The following CREB5 variants were observed in gnomAD, a reference collection of about 807,000 sequenced individuals.
CREB5 encodes cAMP responsive element binding protein 5.
CREB5 carries 19 observed loss-of-function variants against 57.1 expected under a neutral mutation model. The observed-to-expected ratio is 0.33, with a 90% CI of 0.23 to 0.49. The LOEUF is 0.49. CREB5 is among the 20% of genes least tolerant of loss of function. The probability of loss-of-function intolerance (pLI) is 0.99; values close to 1 mark genes in which losing one functional copy is unlikely to be tolerated. For synonymous variants in CREB5, 238 were observed against 238.3 expected (o/e 1.00, Z 0.01); for missense variants, 579 against 671.6 (o/e 0.86, Z 1.52).
chr7:28,452,009 C>T (rs1052672353), intron 1 of CREB5, among the ~76,000 whole-genome samples: 2 of 152,116 alleles, frequency 1.3e-5, no homozygotes, highest in Non-Finnish European at 2.9e-5. Flanking sequence ...CTCCCTTTAC[C>T]GAGGGAGAAA....
At chr7:28,323,841 C>T (rs1430903562) in intron 1 of CREB5, among the ~76,000 whole-genome samples, 1 of 152,036 alleles carries the variant, frequency 6.6e-6, no homozygotes, top group Non-Finnish European at 1.5e-5. Context: ...CAGTGGGAGC[C>T]CTGAGCTTGT....
At chr7:28,728,502 A>G (rs189012262) in intron 7 of CREB5, among the ~76,000 whole-genome samples, 6 of 152,356 alleles carry the variant, frequency 3.9e-5, no homozygotes, top group Admixed American at 3.3e-4. Flanking sequence ...TATACCTCCA[A>G]ATAACCTGGA....
intron 5 of CREB5, among the ~76,000 whole-genome samples, chr7:28,616,485 G>T (rs1309232712): frequency 6.6e-6 from 1 of 151,658 alleles, no homozygotes; most frequent in Non-Finnish European, 1.5e-5. Flanking sequence ...TAACCTAATG[G>T]GTACCCAGAA....
At chr7:28,357,187 G>C (rs1238731979) in intron 1 of CREB5, among the ~76,000 whole-genome samples, 1 of 152,112 alleles carries the variant, frequency 6.6e-6, no homozygotes, top group Non-Finnish European at 1.5e-5. Flanking sequence ...TGTGTTGCTG[G>C]CTTCTTAAAT....
intron 7 of CREB5, among the ~76,000 whole-genome samples, chr7:28,743,643 A>C (rs1804504475): frequency 6.6e-6 from 1 of 152,122 alleles, no homozygotes; most frequent in South Asian, 2.1e-4. Flanking sequence ...AAACCACAGA[A>C]ATTCATTTCT....
chr7:28,335,552 C>G (rs1452708079), intron 1 of CREB5, among the ~76,000 whole-genome samples: 1 of 151,858 alleles, frequency 6.6e-6, no homozygotes, highest in East Asian at 1.9e-4. Flanking sequence ...GATTTTGTAT[C>G]CTGCAACTTT....
At chr7:28,416,062 A>G (rs1306865029) in intron 1 of CREB5, among the ~76,000 whole-genome samples, 2 of 152,202 alleles carry the variant, frequency 1.3e-5, no homozygotes, top group African/African-American at 4.8e-5. Flanking sequence ...TTGATTTAAG[A>G]TGATATTTAG....
chr7:28,752,562 G>C (rs1332871039), intron 7 of CREB5, among the ~76,000 whole-genome samples: 1 of 152,174 alleles, frequency 6.6e-6, no homozygotes, highest in Non-Finnish European at 1.5e-5. Context: ...CTGAACTTAT[G>C]AAATAAGTAC....
chr7:28,779,268 G>A (rs1327009747), intron 7 of CREB5: 2 of 152,128 alleles, frequency 1.3e-5, no homozygotes, highest in African/African-American at 4.8e-5. Context: ...GCCATATCCA[G>A]CTCTGTTTCG....
chr7:28,723,592 A>C (rs946405830), intron 6 of CREB5, among the ~76,000 whole-genome samples: 1 of 152,216 alleles, frequency 6.6e-6, no homozygotes, highest in Non-Finnish European at 1.5e-5. Flanking sequence ...GAAGAGATGC[A>C]CTGGGCAGCA....
chr7:28,780,214 C>T (rs899815181), intron 7 of CREB5, among the ~76,000 whole-genome samples: 1 of 152,098 alleles, frequency 6.6e-6, no homozygotes, highest in Admixed American at 6.6e-5. Flanking sequence ...AAGGAAACTG[C>T]AATGAGAAGC....
chr7:28,737,582 TATA>T, intron 7 of CREB5, among the ~76,000 whole-genome samples: 1 of 33,512 alleles, frequency 3.0e-5, no homozygotes, highest in African/African-American at 9.6e-5. Flanking sequence ...TATATATATA[TATA>T]TATTTTTAAC....
At chr7:28,364,465 C>G (rs1364879219) in intron 1 of CREB5, among the ~76,000 whole-genome samples, 1 of 152,146 alleles carries the variant, frequency 6.6e-6, no homozygotes, top group African/African-American at 2.4e-5. Context: ...TAGCTAAATC[C>G]TCAGGACTTT....
At chr7:28,677,478 T>C (rs546735903) in intron 5 of CREB5, among the ~76,000 whole-genome samples, 18 of 152,294 alleles carry the variant, frequency 1.2e-4, no homozygotes, top group African/African-American at 3.9e-4. Context: ...GGGTCAGCCT[T>C]CAAGGGATTG....
At chr7:28,409,981 G>A (rs1435158929), upstream of CREB5, 1 of 454,502 alleles carries the variant, frequency 2.2e-6, no homozygotes, top group Non-Finnish European at 4.4e-6. The surrounding 1 kb of genome is among the most constrained non-coding windows in gnomAD (Gnocchi z 4.4). Context: ...CGCGTCCCCA[G>A]CTTCCCAGCG....
rs1785490522 is a variant in CREB5, at chr7:28,321,242, C to T, written c.-25+21801C>T. On this transcript the variant is annotated intron_variant, in intron 1 of 9. Coordinates refer to the CREB5 transcript ENST00000396299. ...CCTCTTTTTTTTTGTACCCTTCATC[C>T]TCCTCTTCTTTTTCCTTCTCCTCTT... 2.0e-5 allele frequency among the ~76,000 whole-genome samples: 3 copies of T among 152,054 alleles called. No individual in the cohort carries two copies. In the South Asian group the frequency reaches 6.2e-4, roughly 32 times the overall value.
intron 1 of CREB5, among the ~76,000 whole-genome samples, chr7:28,305,152 C>T (rs570984057): frequency 6.6e-6 from 1 of 152,318 alleles, no homozygotes; most frequent in East Asian, 1.9e-4. Context: ...CTTAAATACA[C>T]TTCTCTTAAA....
intron 5 of CREB5, among the ~76,000 whole-genome samples, chr7:28,690,229 C>T (rs1329460643): frequency 6.6e-6 from 1 of 152,150 alleles, no homozygotes; most frequent in African/African-American, 2.4e-5. Context: ...GGCTGTGCTC[C>T]ACAGGTGAGC....
chr7:28,368,391 A>T (rs1657792203), intron 1 of CREB5, among the ~76,000 whole-genome samples: 1 of 152,180 alleles, frequency 6.6e-6, no homozygotes, highest in Admixed American at 6.5e-5. Flanking sequence ...AACAAAAATA[A>T]ATTAATTAAT....
Sources: allele counts gnomAD v4.1 joint callset (sites outside exome capture counted in the v4.1 genomes callset), GRCh38; gene constraint gnomAD v4.1.1; non-coding constraint Gnocchi (gnomAD v3.1); transcripts MANE v1.5; gene names NCBI Gene and HGNC (gene_info 2026-07-23, HGNC 2026-07-21).